Variants in SHC2 observed in about 807,000 individuals in gnomAD.
The protein encoded by SHC2 is SHC-transforming protein 2.
A neutral mutation model predicts 60.6 loss-of-function variants in SHC2; 62 were observed. The ratio of observed to expected loss-of-function variants is 1.02; its 90% CI spans 0.83 to 1.26. The LOEUF (loss-of-function observed/expected upper bound fraction) is 1.26, where lower values mean the gene tolerates loss of function less well. Among genes scored for constraint, SHC2 ranks in the 50% most tolerant of loss-of-function variants. The pLI, the probability that SHC2 is intolerant of heterozygous loss-of-function variation, is 0.00. For synonymous variants in SHC2, 375 were observed against 372.4 expected, an observed-to-expected ratio of 1.01 and a Z score of -0.08; for missense variants, 873 against 822.2, an observed-to-expected ratio of 1.06 and a Z score of -0.76.
At position 446,594 on chromosome 19, in the gene SHC2, C is replaced by T. The variant is rs531980248; in HGVS notation, c.469-5662G>A. ...TGCTGGGACTACAGGCGTGAGTCAC[C>T]GCGCCCGGCTGTCTGTGTTGTTTTA... On this transcript the variant is annotated intron_variant, in intron 1 of 12. Coordinates refer to ENST00000264554, the MANE Select transcript of SHC2 (RefSeq NM_012435.3). This position sits in a 1 kb window ranked among gnomAD's most constrained non-coding sequence, Gnocchi z 5.4. Among the ~76,000 whole-genome samples the T allele has an allele frequency of 1.1e-4, 17 of 152,160 alleles. No individual in the cohort carries two copies. The highest frequency in any genetic ancestry group is 2.4e-4 in the Non-Finnish European group (16 of 68,044).
chr19:437,667 AC>A (rs534668957), intron 4 of SHC2, among the ~76,000 whole-genome samples: 3 of 149,982 alleles, frequency 2.0e-5, no homozygotes, highest in South Asian at 2.1e-4. Context: ...GCCCTCAGTC[AC>A]CCCCCCGCCA....
intron 9 of SHC2, among the ~76,000 whole-genome samples, chr19:426,045 A>AAC (rs1555704144): frequency 2.2e-4 from 33 of 152,030 alleles, no homozygotes; most frequent in African/African-American, 7.7e-4. Flanking sequence ...AAAAAAAAAA[A>AAC]AACTATCCAC....
intron 9 of SHC2, among the ~76,000 whole-genome samples, chr19:428,129 G>C (rs144655150): frequency 6.6e-6 from 1 of 152,178 alleles, no homozygotes; most frequent in African/African-American, 2.4e-5. Context: ...GGAGTGTTAG[G>C]AGTGAGGACT....
At chr19:428,962 T>G (rs1447104368) in intron 9 of SHC2, among the ~76,000 whole-genome samples, 1 of 148,608 alleles carries the variant, frequency 6.7e-6, no homozygotes, top group Non-Finnish European at 1.5e-5. Context: ...ATACCCAACG[T>G]GCACGGAAAC....
chr19:446,279 T>TTG lies in SHC2; in HGVS notation c.469-5349_469-5348dup, dbSNP rs763314115. 1.2e-3 allele frequency among the ~76,000 whole-genome samples: 177 copies of TTG among 151,808 alleles called. No individual in the cohort carries two copies. The highest frequency in any genetic ancestry group is 2.4e-3 in the African/African-American group (98 of 41,442). On this transcript the variant is annotated intron_variant, in intron 1 of 12. Coordinates refer to ENST00000264554, the MANE Select transcript of SHC2 (RefSeq NM_012435.3). This position sits in a 1 kb window ranked among gnomAD's most constrained non-coding sequence, Gnocchi z 5.4. Reference sequence around the variant, plus strand: ...GAACTGTGACAGAACAAGTCTATGTTTGTGTGTGTGTGTGTTTTGTTTTGT... The same window carrying TTG: ...GAACTGTGACAGAACAAGTCTATGTTTGTGTGTGTGTGTGTGTTTTGTTTTGT...
intron 5 of SHC2, 28 bp downstream of exon 5, chr19:436,602 G>A: frequency 2.5e-6 from 4 of 1,598,602 alleles, no homozygotes; most frequent in Non-Finnish European, 3.4e-6. Context: ...CGGCAGGGCT[G>A]CAGGTCCACC....
In SHC2 at chr19:446,103, A is replaced by C. The variant is rs1434088834; in HGVS notation, c.469-5171T>G. On this transcript the variant is annotated intron_variant, in intron 1 of 12. Coordinates refer to ENST00000264554, the MANE Select transcript of SHC2 (RefSeq NM_012435.3). This position sits in a 1 kb window ranked among gnomAD's most constrained non-coding sequence, Gnocchi z 5.4. ...GCACAGAGGGAGATTTGAGAGACAG[A>C]GACACAGAAGGGAGGGGCCGTGTGC... 6.6e-6 allele frequency among the ~76,000 whole-genome samples: 1 copy of C among 151,700 alleles called. No homozygotes were observed. The highest frequency in any genetic ancestry group is 1.5e-5 in the Non-Finnish European group (1 of 67,940).
intron 12 of SHC2, among the ~76,000 whole-genome samples, chr19:417,690 G>A (rs534495024): frequency 5.6e-4 from 86 of 152,374 alleles, no homozygotes; most frequent in African/African-American, 2.0e-3. Flanking sequence ...TTTCCGAGGG[G>A]ACGCAGGCAG....
intron 1 of SHC2, among the ~76,000 whole-genome samples, chr19:448,578 G>T (rs150264617): frequency 3.8e-4 from 58 of 152,252 alleles, no homozygotes; most frequent in African/African-American, 1.2e-3. Flanking sequence ...ATAAGGACGT[G>T]AGTTTTGGGG....
chr19:440,952 G>C lies in SHC2; in HGVS notation c.469-20C>G, dbSNP rs1157519875. The C allele has an allele frequency of 6.2e-7, 1 of 1,608,268 alleles. No homozygotes were observed. Among genetic ancestry groups the C allele is most frequent in the Non-Finnish European group, 8.5e-7 (1 of 1,175,702 alleles). ...CATGTACTGAGGGGAGAGAACAGGT[G>C]TCAGATGCCATCGGAACCCCCGCAG... On this transcript the variant is annotated intron_variant, in intron 1 of 12. Coordinates refer to ENST00000264554, the MANE Select transcript of SHC2 (RefSeq NM_012435.3). The surrounding 1 kb of genome is among the most constrained non-coding windows in gnomAD (Gnocchi z 7.0).
At chr19:421,491 CA>C (rs1974272573) in intron 11 of SHC2, among the ~76,000 whole-genome samples, 1 of 151,352 alleles carries the variant, frequency 6.6e-6, no homozygotes, top group Non-Finnish European at 1.5e-5. Context: ...TGAAGCAATT[CA>C]GTAACTTGAT....
Position 440,815 on chromosome 19 carries a change from A to C in SHC2, c.539+47T>G, listed in dbSNP as rs1437295783. Reference sequence around the variant, plus strand: ...CCGCCCTCCAGTGCTGCCGCCCTCCAGTGCGTCACTCAGCCCTACGCGGCC... The same window carrying C: ...CCGCCCTCCAGTGCTGCCGCCCTCCCGTGCGTCACTCAGCCCTACGCGGCC... On this transcript the variant is annotated intron_variant, in intron 2 of 12. Transcript: ENST00000264554. The surrounding 1 kb of genome is among the most constrained non-coding windows in gnomAD (Gnocchi z 7.0). 1 of 1,530,752 alleles carries C rather than the reference A, an allele frequency of 6.5e-7. No individual in the cohort carries two copies. The highest frequency in any genetic ancestry group is 1.1e-5 in the South Asian group (1 of 89,414). 94.8% of individuals were successfully genotyped at this position (1,530,752 alleles called of 1,614,324 possible). A position where few individuals can be genotyped will look rare whatever the true frequency, so the allele number is the denominator to read the frequency against.
chr19:438,520 C>A lies in SHC2; in HGVS notation c.720+198G>T, dbSNP rs1000320920. On this transcript the variant is annotated intron_variant, in intron 4 of 12. Transcript: ENST00000264554. The surrounding 1 kb of genome is among the most constrained non-coding windows in gnomAD (Gnocchi z 5.0). ...GGAGCGCCCCTGTATCAGGACGGCT[C>A]GCCCAGGTGGGAGCCCCTGAGCTGA... Among the ~76,000 whole-genome samples, 1 of 152,200 alleles carries A rather than the reference C, an allele frequency of 6.6e-6. No homozygotes were observed. The highest frequency in any genetic ancestry group is 1.5e-5 in the Non-Finnish European group (1 of 68,022).
chr19:439,001 A>C lies in SHC2; in HGVS notation c.569T>G (p.Val190Gly). ...REAINRLHEA[V>G]PGVRGSWKKK... ...CTTCCAGGATCCCCGGACGCCAGGC[A>C]CGGCCTCATGGAGCCGGTTGATGGC... The change falls in exon 3 of 13, where the codon GTG becomes GGG. Residue 190 changes from valine (V) to glycine (G), a missense_variant. Transcript: ENST00000264554. The C allele has an allele frequency of 6.3e-6, 10 of 1,598,320 alleles. No homozygotes were observed. Among genetic ancestry groups the C allele is most frequent in the Non-Finnish European group, 6.8e-6 (8 of 1,173,332 alleles).
chr19:420,540 G>A (rs1974243674), intron 11 of SHC2, among the ~76,000 whole-genome samples: 1 of 152,184 alleles, frequency 6.6e-6, no homozygotes, highest in Non-Finnish European at 1.5e-5. Context: ...AAAATGCTTT[G>A]TAAACCTTTA....
intron 1 of SHC2, among the ~76,000 whole-genome samples, chr19:448,382 G>T (rs935109483): frequency 1.3e-5 from 2 of 152,150 alleles, no homozygotes; most frequent in African/African-American, 4.8e-5. Context: ...GCTTCTGGGG[G>T]CTCCCGGCGT....
In SHC2 at chr19:425,350, G is replaced by A. The variant is rs1974389042; in HGVS notation, c.1175-119C>T. ...CACCACCTGTGCTGCTGGCTGCAGG[G>A]CGGATGCTGCTCTGGTCTCCCTGTG... On this transcript the variant is annotated intron_variant, in intron 9 of 12. Coordinates refer to ENST00000264554, the MANE Select transcript of SHC2 (RefSeq NM_012435.3). The surrounding 1 kb of genome is among the most constrained non-coding windows in gnomAD (Gnocchi z 4.1). The A allele has an allele frequency of 1.2e-6, 1 of 839,240 alleles. No homozygotes were observed. The highest frequency in any genetic ancestry group is 1.6e-6 in the Non-Finnish European group (1 of 626,960). 52.0% of individuals were successfully genotyped at this position (839,240 alleles called of 1,614,324 possible).
chr19:451,302 G>T (rs183195308), intron 1 of SHC2, among the ~76,000 whole-genome samples: 2 of 146,328 alleles, frequency 1.4e-5, no homozygotes, highest in African/African-American at 5.1e-5. Flanking sequence ...GCCACGCTGT[G>T]GCCACATCAT....
rs750241408 is a variant in SHC2 at position 422,295 on chromosome 19, G to A, written c.1471C>T (p.Arg491Trp). Residue 491 changes from arginine (R) to tryptophan (W), a missense_variant, in exon 11 of 13, where the codon CGG becomes TGG. Transcript: ENST00000264554. The surrounding 1 kb of genome is among the most constrained non-coding windows in gnomAD (Gnocchi z 5.0). ...QLRQEPWYHG[R>W]MSRRAAERML... is the part of the protein sequence containing the mutation. ...CTCTCTGCCGCCCGGCGGCTCATCC[G>A]GCCGTGGTACCAGGGCTCCTGACGC... The A allele has an allele frequency of 6.8e-6, 11 of 1,612,034 alleles. No individual in the cohort carries two copies. Among genetic ancestry groups the A allele is most frequent in the Middle Eastern group, 1.6e-4 (1 of 6,084 alleles).
Sources: allele counts gnomAD v4.1 joint callset (sites outside exome capture counted in the v4.1 genomes callset), GRCh38; gene constraint gnomAD v4.1.1; non-coding constraint Gnocchi (gnomAD v3.1); transcripts MANE v1.5; gene names NCBI Gene and HGNC (gene_info 2026-07-23, HGNC 2026-07-21).